The following PPP2R5C variants were observed in gnomAD, a reference collection of about 807,000 sequenced individuals.
PPP2R5C encodes serine/threonine-protein phosphatase 2A 56 kDa regulatory subunit gamma isoform.
Under a neutral mutation model 68.9 loss-of-function variants are expected in PPP2R5C, and 7 were observed. The observed-to-expected ratio is 0.10, with a 90% CI of 0.06 to 0.19. The LOEUF (loss-of-function observed/expected upper bound fraction) is 0.19. Among genes scored for constraint, PPP2R5C ranks in the 10% least tolerant of loss-of-function variants. The pLI, the probability that PPP2R5C is intolerant of heterozygous loss-of-function variation, is 1.00. For missense variants in PPP2R5C, 348 were observed against 641.3 expected, an observed-to-expected ratio of 0.54 and a Z score of 4.94; for synonymous variants, 210 against 222.2, an observed-to-expected ratio of 0.95 and a Z score of 0.49.
At chr14:101,836,153 G>A (rs1566887400) in intron 1 of PPP2R5C, 2 of 342,482 alleles carry the variant, frequency 5.8e-6, no homozygotes, top group Admixed American at 3.4e-5. Flanking sequence ...CAGCTGAAAG[G>A]TTTTTTTTTT....
rs1202782442 is a variant in PPP2R5C at position 101,781,008 on chromosome 14, G to A, written c.94-5010G>A. 6.6e-6 allele frequency among the ~76,000 whole-genome samples: 1 copy of A among 152,176 alleles called. No individual in the cohort carries two copies. Among genetic ancestry groups the A allele is most frequent in the Non-Finnish European group, 1.5e-5 (1 of 68,042 alleles). ...TTTCCTCTCTGTAAGCTAAGGATGC[G>A]CCAGCTCGGCCTGAACCATGGAATG... On this transcript the variant is annotated intron_variant, in intron 2 of 14. Transcript: ENST00000328724. The surrounding 1 kb of genome is among the most constrained non-coding windows in gnomAD (Gnocchi z 6.4).
chr14:101,789,270 C>T (rs373119417), intron 3 of PPP2R5C, among the ~76,000 whole-genome samples: 19 of 152,308 alleles, frequency 1.2e-4, no homozygotes, highest in African/African-American at 4.3e-4. Flanking sequence ...CCTGTTTTCT[C>T]CCATTTCAGT....
intron 1 of PPP2R5C, among the ~76,000 whole-genome samples, chr14:101,848,254 C>A (rs549797106): frequency 6.6e-6 from 1 of 151,972 alleles, no homozygotes; most frequent in Non-Finnish European, 1.5e-5. Flanking sequence ...GTTGGGGGGC[C>A]GGGCGTGGTG....
At chr14:101,809,051 T>G (rs1328037892), upstream of PPP2R5C, among the ~76,000 whole-genome samples, 1 of 152,188 alleles carries the variant, frequency 6.6e-6, no homozygotes, top group Non-Finnish European at 1.5e-5. Context: ...ATCTTTAATT[T>G]TAAATTTAAA....
intron 2 of PPP2R5C, among the ~76,000 whole-genome samples, chr14:101,874,104 G>C (rs2043598476): frequency 6.6e-6 from 1 of 152,182 alleles, no homozygotes; most frequent in African/African-American, 2.4e-5. Context: ...ATGAAAGACT[G>C]TTTGCATAAT....
intron 12 of PPP2R5C, chr14:101,914,288 G>T (rs149987287): frequency 2.3e-6 from 1 of 432,936 alleles, no homozygotes; most frequent in Non-Finnish European, 4.6e-6. Context: ...CATGAGTCTC[G>T]TCCACATGCT....
At chr14:101,855,242 A>G (rs1392490830) in intron 1 of PPP2R5C, among the ~76,000 whole-genome samples, 2 of 152,208 alleles carry the variant, frequency 1.3e-5, no homozygotes, top group Non-Finnish European at 2.9e-5. Context: ...GCATAGTTGT[A>G]TATTTTTGCA....
chr14:101,835,076 C>G lies in PPP2R5C; in HGVS notation c.95-21610C>G, dbSNP rs1331542322. 6.6e-6 allele frequency among the ~76,000 whole-genome samples: 1 copy of G among 152,164 alleles called. No individual in the cohort carries two copies. Among genetic ancestry groups the G allele is most frequent in the Non-Finnish European group, 1.5e-5 (1 of 68,026 alleles). ...CACAGTAAGGAAAAAAAAAATGCAG[C>G]CTGTGTCTTCAGGGACTGGGAGTCT... On this transcript the variant is annotated intron_variant, in intron 1 of 13. Coordinates refer to ENST00000334743, the Ensembl canonical transcript of PPP2R5C. The surrounding 1 kb of genome is among the most constrained non-coding windows in gnomAD (Gnocchi z 5.0).
intron 2 of PPP2R5C, among the ~76,000 whole-genome samples, chr14:101,775,207 T>C (rs548259467): frequency 1.3e-5 from 2 of 152,350 alleles, no homozygotes; most frequent in South Asian, 4.1e-4. Flanking sequence ...GATTCGGCCC[T>C]GCCCAACTGA....
rs1287408964 is a variant in PPP2R5C at position 101,877,241 on chromosome 14, G to A, written c.295-4920G>A. On this transcript the variant is annotated intron_variant, in intron 2 of 13. Transcript: ENST00000334743. This position sits in a 1 kb window ranked among gnomAD's most constrained non-coding sequence, Gnocchi z 4.2. Reference sequence around the variant, plus strand: ...TGGGATTACAGGCATGAGTCACCGCGCCTGGCCTTTACCCTTTCCAATGGA... The same window carrying A: ...TGGGATTACAGGCATGAGTCACCGCACCTGGCCTTTACCCTTTCCAATGGA... 2.6e-5 allele frequency among the ~76,000 whole-genome samples: 4 copies of A among 152,048 alleles called. No homozygotes were observed. Among genetic ancestry groups the A allele is most frequent in the African/African-American group, 7.2e-5 (3 of 41,390 alleles).
At chr14:101,815,858 C>T (rs2039632368) in intron 1 of PPP2R5C, among the ~76,000 whole-genome samples, 1 of 152,018 alleles carries the variant, frequency 6.6e-6, no homozygotes, top group South Asian at 2.1e-4. Context: ...TTAGTATAGA[C>T]AGGGTTTCAC....
At chr14:101,863,224 C>T (rs1290567770) in intron 2 of PPP2R5C, among the ~76,000 whole-genome samples, 30 of 151,824 alleles carry the variant, frequency 2.0e-4, no homozygotes, top group Admixed American at 2.0e-3. Flanking sequence ...AGGAGAATCG[C>T]TTGAACTTGG....
chr14:101,829,195 C>A (rs2140322356), intron 1 of PPP2R5C, among the ~76,000 whole-genome samples: 1 of 152,132 alleles, frequency 6.6e-6, no homozygotes. Context: ...GAAATAGGAG[C>A]ATGGGGCTTG....
intron 5 of PPP2R5C, chr14:101,889,795 C>T (rs924898404): frequency 2.2e-5 from 8 of 361,606 alleles, no homozygotes; most frequent in Non-Finnish European, 4.3e-5. Flanking sequence ...CTAAATATTG[C>T]GGGCTTTAAA....
In PPP2R5C at chr14:101,915,414, C is replaced by T. The variant is rs2046615607; in HGVS notation, c.1327-2417C>T. Among the ~76,000 whole-genome samples the T allele has an allele frequency of 6.6e-6, 1 of 152,196 alleles. No individual in the cohort carries two copies. Among genetic ancestry groups the T allele is most frequent in the Non-Finnish European group, 1.5e-5 (1 of 68,042 alleles). ...GGTTTTTATTCCTAGTCAGAACCCT[C>T]TCCTGCCAGTGCCCGCTGTGTGAGG... On this transcript the variant is annotated intron_variant, in intron 12 of 13. Coordinates refer to ENST00000334743, the Ensembl canonical transcript of PPP2R5C. This position sits in a 1 kb window ranked among gnomAD's most constrained non-coding sequence, Gnocchi z 4.2.
At chr14:101,886,901 T>G (rs945506324) in intron 5 of PPP2R5C, among the ~76,000 whole-genome samples, 2 of 152,058 alleles carry the variant, frequency 1.3e-5, no homozygotes, top group Non-Finnish European at 1.5e-5. Flanking sequence ...GGCTAACTTT[T>G]AAAATTTTTG....
At chr14:101,820,691 C>G (rs2040000525) in intron 1 of PPP2R5C, 1 of 152,130 alleles carries the variant, frequency 6.6e-6, no homozygotes, top group Non-Finnish European at 1.5e-5. Flanking sequence ...CATATCACAG[C>G]AAGTTGAACA....
intron 2 of PPP2R5C, among the ~76,000 whole-genome samples, chr14:101,859,883 G>A (rs575165711): frequency 3.8e-4 from 57 of 151,028 alleles, no homozygotes; most frequent in Non-Finnish European, 6.2e-4. Context: ...GTATATTTTG[G>A]TCATAACAGT....
chr14:101,819,428 G>A (rs1432863137), intron 1 of PPP2R5C: 1 of 233,696 alleles, frequency 4.3e-6, no homozygotes, highest in African/African-American at 2.2e-5. Flanking sequence ...GAGGAATATG[G>A]CGCCTTTCTT....
Sources: gnomAD v4.1 joint callset for allele counts (sites outside exome capture counted in the v4.1 genomes callset) on GRCh38, gnomAD v4.1.1 for gene constraint, Gnocchi (gnomAD v3.1) non-coding constraint, MANE v1.5 for transcripts, NCBI Gene and HGNC (gene_info 2026-07-23, HGNC 2026-07-21) for gene names.